FAM227B: variants seen among roughly 807,000 people sequenced by gnomAD.
FAM227B encodes the protein protein FAM227B.
Under a neutral mutation model 73.8 loss-of-function variants are expected in FAM227B, and 88 were observed. That is an observed-to-expected ratio of 1.19 (90% confidence interval 1.00 to 1.42). The LOEUF (loss-of-function observed/expected upper bound fraction) is 1.42. Among genes scored for constraint, FAM227B ranks in the 40% most tolerant of loss-of-function variants. FAM227B has a pLI of 0.00. For synonymous variants in FAM227B, 210 were observed against 190.5 expected, an observed-to-expected ratio of 1.10 and a Z score of -0.84; for missense variants, 632 against 590.9, an observed-to-expected ratio of 1.07 and a Z score of -0.72.
intron 13 of FAM227B, among the ~76,000 whole-genome samples, chr15:49,354,303 AC>A (rs1476634486): frequency 3.3e-5 from 5 of 152,180 alleles, no homozygotes; most frequent in African/African-American, 4.8e-5. Context: ...GACGCAGAAG[AC>A]GGGTGATTTC....
chr15:49,384,690 C>T (rs1305648842), intron 11 of FAM227B, among the ~76,000 whole-genome samples: 1 of 151,864 alleles, frequency 6.6e-6, no homozygotes, highest in African/African-American at 2.4e-5. Context: ...AGCTGTGGCA[C>T]AAAAATGCCT....
At chr15:49,590,093 C>A (rs920900884) in intron 3 of FAM227B, 86 bp from the exon 4 acceptor site, 2 of 721,992 alleles carry the variant, frequency 2.8e-6, no homozygotes, top group South Asian at 1.7e-5. Flanking sequence ...GAGCTATAAT[C>A]GAGATTTTAT....
At chr15:49,506,618 T>A (rs1328304995) in intron 11 of FAM227B, among the ~76,000 whole-genome samples, 2 of 152,040 alleles carry the variant, frequency 1.3e-5, no homozygotes, top group Non-Finnish European at 2.9e-5. Flanking sequence ...AGTTTTTTTT[T>A]AATTAGACAT....
intron 13 of FAM227B, among the ~76,000 whole-genome samples, chr15:49,359,681 C>T (rs997286228): frequency 3.7e-5 from 5 of 136,656 alleles, no homozygotes; most frequent in Admixed American, 7.2e-5. Flanking sequence ...GTCAGTGTGG[C>T]GATTCCTCAG....
chr15:49,521,252 C>T (rs12185128), intron 10 of FAM227B, among the ~76,000 whole-genome samples: 43,769 of 152,062 alleles, frequency 0.29, 6,597 homozygotes, highest in East Asian at 0.38. Context: ...ACCAGCCAGA[C>T]GCTAGGGAGC....
intron 11 of FAM227B, among the ~76,000 whole-genome samples, chr15:49,464,907 C>T (rs1398240076): frequency 2.0e-5 from 3 of 152,114 alleles, no homozygotes; most frequent in Non-Finnish European, 4.4e-5. Context: ...ACATACATGA[C>T]ATACCTAAAA....
intron 10 of FAM227B, among the ~76,000 whole-genome samples, chr15:49,519,767 C>T (rs939007420): frequency 6.6e-6 from 1 of 152,280 alleles, no homozygotes; most frequent in East Asian, 1.9e-4. Flanking sequence ...CTCTGACATG[C>T]CCTGGAGATA....
chr15:49,517,487 G>A (rs143573070), intron 10 of FAM227B, among the ~76,000 whole-genome samples: 2,502 of 152,208 alleles, frequency 0.016, 29 homozygotes, highest in Middle Eastern at 0.048. Flanking sequence ...AAATCTATTT[G>A]AGTCACAAAT....
chr15:49,339,728 G>A lies in FAM227B; in HGVS notation c.1272-4232C>T, dbSNP rs376533329. On this transcript the variant is annotated intron_variant, in intron 13 of 15. Transcript: ENST00000299338. ...GTTTGCTGAAGCTGTGCCTACAACC[G>A]CCCCTTGCCCCACGTGCTCTGTCCC... Among the ~76,000 whole-genome samples the A allele has an allele frequency of 5.3e-5, 8 of 152,236 alleles. No individual in the cohort carries two copies. In the East Asian group the frequency reaches 7.7e-4, roughly 15 times the overall value.
At chr15:49,591,767 G>A (rs867680275) in intron 3 of FAM227B, among the ~76,000 whole-genome samples, 3 of 152,110 alleles carry the variant, frequency 2.0e-5, no homozygotes, top group South Asian at 2.1e-4. Flanking sequence ...TTACAGGCAT[G>A]AGCCACTGTG....
At chr15:49,432,185 ATGTAAC>A (rs2050679431) in intron 11 of FAM227B, among the ~76,000 whole-genome samples, 1 of 151,648 alleles carries the variant, frequency 6.6e-6, no homozygotes, top group African/African-American at 2.4e-5. Context: ...TGAACTTTAG[ATGTAAC>A]TGTAAGTAAT....
chr15:49,416,768 CATAG>C (rs1271781175), intron 11 of FAM227B, among the ~76,000 whole-genome samples: 1 of 100,212 alleles, frequency 1.0e-5, no homozygotes, highest in African/African-American at 3.8e-5. Context: ...GCCACACACA[CATAG>C]ACACACACAC....
chr15:49,586,919 A>G (rs999755846), intron 5 of FAM227B, among the ~76,000 whole-genome samples: 1 of 152,168 alleles, frequency 6.6e-6, no homozygotes, highest in Non-Finnish European at 1.5e-5. Flanking sequence ...TGCTTATAAT[A>G]CACAGCTGGT....
At chr15:49,360,564 A>G (rs1001740324) in intron 13 of FAM227B, among the ~76,000 whole-genome samples, 1 of 123,958 alleles carries the variant, frequency 8.1e-6, no homozygotes, top group African/African-American at 3.0e-5. Flanking sequence ...GGTGGCTTAT[A>G]AAAACATAGA....
chr15:49,424,793 A>AC (rs1719689679), intron 11 of FAM227B: 1 of 384,104 alleles, frequency 2.6e-6, no homozygotes, highest in Admixed American at 4.1e-5. Context: ...GTTGGACCTG[A>AC]TAATCCAAGC....
intron 10 of FAM227B, among the ~76,000 whole-genome samples, chr15:49,534,427 C>T (rs2060853188): frequency 6.6e-6 from 1 of 151,736 alleles, no homozygotes. Flanking sequence ...GAGGATGTAA[C>T]AATTAAAAGT....
chr15:49,388,040 C>T (rs553951579), intron 11 of FAM227B, among the ~76,000 whole-genome samples: 1 of 151,572 alleles, frequency 6.6e-6, no homozygotes, highest in South Asian at 2.1e-4. Context: ...CAATATTGTG[C>T]AAATGATCAT....
At chr15:49,368,509 A>T (rs534141531) in intron 12 of FAM227B, among the ~76,000 whole-genome samples, 2 of 152,316 alleles carry the variant, frequency 1.3e-5, no homozygotes, top group Non-Finnish European at 2.9e-5. Flanking sequence ...AACCATTTCA[A>T]ATAATGGGAC....
intron 11 of FAM227B, among the ~76,000 whole-genome samples, chr15:49,492,477 A>T (rs1344090568): frequency 6.6e-6 from 1 of 151,994 alleles, no homozygotes; most frequent in Admixed American, 6.6e-5. Context: ...TATAGTTTAC[A>T]GCGTTAATTA....
Sources: gnomAD v4.1 joint callset for allele counts (sites outside exome capture counted in the v4.1 genomes callset) on GRCh38, gnomAD v4.1.1 for gene constraint, MANE v1.5 for transcripts, NCBI Gene and HGNC (gene_info 2026-07-23, HGNC 2026-07-21) for gene names.